SLC10A7: variants seen among roughly 807,000 people sequenced by gnomAD.
SLC10A7 encodes the protein solute carrier family 10 member 7.
SLC10A7 carries 29 observed loss-of-function variants against 43.2 expected under a neutral mutation model. The ratio of observed to expected loss-of-function variants is 0.67; its 90% CI spans 0.50 to 0.92. SLC10A7 has a LOEUF of 0.92. Among genes scored for constraint, SLC10A7 ranks in the 40% least tolerant of loss-of-function variants. SLC10A7 has a pLI of 0.00. For synonymous variants in SLC10A7, 152 were observed against 144.8 expected (o/e 1.05, Z -0.35); for missense variants, 295 against 403.2 (o/e 0.73, Z 2.30).
At chr4:146,485,382 G>T (rs1358513199) in intron 4 of SLC10A7, among the ~76,000 whole-genome samples, 1 of 152,118 alleles carries the variant, frequency 6.6e-6, no homozygotes, top group African/African-American at 2.4e-5. Flanking sequence ...TCCTAGAGGG[G>T]CATGACAGCA....
chr4:146,468,977 G>A (rs1733318485), intron 4 of SLC10A7, among the ~76,000 whole-genome samples: 1 of 152,150 alleles, frequency 6.6e-6, no homozygotes, highest in Admixed American at 6.5e-5. Flanking sequence ...GTATGAAGAA[G>A]GTCTTCACAG....
intron 2 of SLC10A7, among the ~76,000 whole-genome samples, chr4:146,513,533 A>G (rs114588034): frequency 2.2e-3 from 336 of 152,348 alleles, no homozygotes; most frequent in African/African-American, 7.7e-3. Flanking sequence ...TATAAAAACT[A>G]AAATGTGCTT....
intron 7 of SLC10A7, among the ~76,000 whole-genome samples, chr4:146,299,807 C>T (rs1429707311): frequency 6.6e-6 from 1 of 152,118 alleles, no homozygotes; most frequent in Non-Finnish European, 1.5e-5. Flanking sequence ...ATAAATTCAA[C>T]ACAAGATGAG....
At chr4:146,454,397 C>A (rs572623753) in intron 4 of SLC10A7, among the ~76,000 whole-genome samples, 4 of 151,854 alleles carry the variant, frequency 2.6e-5, no homozygotes, top group Admixed American at 1.3e-4. Context: ...AAACAGAACT[C>A]CAGACAGGCA....
At chr4:146,369,575 C>A (rs1448790660) in intron 5 of SLC10A7, among the ~76,000 whole-genome samples, 1 of 152,122 alleles carries the variant, frequency 6.6e-6, no homozygotes, top group Admixed American at 6.5e-5. Context: ...ATTCAGTGAA[C>A]TTTCACCTTG....
chr4:146,494,791 T>A (rs1214152266), intron 4 of SLC10A7, among the ~76,000 whole-genome samples: 1 of 152,184 alleles, frequency 6.6e-6, no homozygotes, highest in East Asian at 1.9e-4. Flanking sequence ...GATTGGTGAC[T>A]AAAAATCACT....
At chr4:146,394,690 A>C (rs1738686938) in intron 5 of SLC10A7, among the ~76,000 whole-genome samples, 1 of 152,132 alleles carries the variant, frequency 6.6e-6, no homozygotes, top group South Asian at 2.1e-4. Flanking sequence ...GCAATACTGT[A>C]TACTGATTTA....
intron 5 of SLC10A7, among the ~76,000 whole-genome samples, chr4:146,423,143 T>C (rs1280699044): frequency 1.3e-5 from 2 of 152,176 alleles, no homozygotes; most frequent in Non-Finnish European, 2.9e-5. Flanking sequence ...AAAAATTATA[T>C]ACATATTTCT....
intron 11 of SLC10A7, chr4:146,256,812 G>A: frequency 6.7e-7 from 1 of 1,503,012 alleles, no homozygotes; most frequent in East Asian, 2.5e-5. Flanking sequence ...AGCAGAGGAG[G>A]CACTCATGGA....
chr4:146,426,820 A>T (rs1419261779), intron 5 of SLC10A7, among the ~76,000 whole-genome samples: 5 of 151,906 alleles, frequency 3.3e-5, no homozygotes, highest in Non-Finnish European at 7.4e-5. Context: ...GGTTGCAGTG[A>T]GCCAAGATAG....
intron 2 of SLC10A7, chr4:146,515,232 G>C (rs1737836652): frequency 2.9e-6 from 2 of 696,980 alleles, no homozygotes. Flanking sequence ...CAGCCACCAG[G>C]GGACATAGAG....
intron 5 of SLC10A7, among the ~76,000 whole-genome samples, chr4:146,372,453 CAAAAAAAA>C (rs3042366): frequency 1.7e-5 from 2 of 117,014 alleles, no homozygotes; most frequent in Non-Finnish European, 3.6e-5. Context: ...AACCCTGTTT[CAAAAAAAA>C]AAAAAAAAAA....
At chr4:146,412,932 C>A (rs147028193) in intron 5 of SLC10A7, among the ~76,000 whole-genome samples, 1,555 of 152,176 alleles carry the variant, frequency 0.01, 16 homozygotes, top group Non-Finnish European at 0.016. Context: ...GTTCACCACT[C>A]CATTTCCAAT....
intron 4 of SLC10A7, among the ~76,000 whole-genome samples, chr4:146,449,736 G>A (rs1731420654): frequency 6.6e-6 from 1 of 151,970 alleles, no homozygotes; most frequent in Non-Finnish European, 1.5e-5. Flanking sequence ...TCTTCTCCAT[G>A]GGCCCTATTT....
chr4:146,496,586 A>G (rs1271777309), intron 4 of SLC10A7, among the ~76,000 whole-genome samples: 1 of 152,152 alleles, frequency 6.6e-6, no homozygotes, highest in African/African-American at 2.4e-5. Context: ...GACACAGAAA[A>G]GAATCTGAAA....
intron 5 of SLC10A7, among the ~76,000 whole-genome samples, chr4:146,333,086 G>T (rs1337089035): frequency 1.3e-5 from 2 of 152,146 alleles, no homozygotes; most frequent in Non-Finnish European, 2.9e-5. Flanking sequence ...AATAGTGTAT[G>T]CCATAAACAG....
intron 10 of SLC10A7, among the ~76,000 whole-genome samples, chr4:146,266,085 G>A (rs978586817): frequency 1.6e-4 from 25 of 152,268 alleles, no homozygotes; most frequent in Middle Eastern, 6.8e-3. Flanking sequence ...TTTTCACTGG[G>A]TTTTGGAGAG....
intron 2 of SLC10A7, chr4:146,514,571 A>T (rs939817989): frequency 2.2e-4 from 33 of 152,358 alleles, no homozygotes; most frequent in African/African-American, 7.7e-4. Flanking sequence ...TTTAGAATAC[A>T]TGTCATTAAA....
chr4:146,332,334 A>G (rs1412355351), intron 5 of SLC10A7, among the ~76,000 whole-genome samples: 1 of 152,148 alleles, frequency 6.6e-6, no homozygotes, highest in Non-Finnish European at 1.5e-5. Context: ...ATCACGTGCT[A>G]TGATTTGGCT....
Sources: allele counts gnomAD v4.1 joint callset (sites outside exome capture counted in the v4.1 genomes callset), GRCh38; gene constraint gnomAD v4.1.1; transcripts MANE v1.5; gene names NCBI Gene and HGNC (gene_info 2026-07-23, HGNC 2026-07-21).